The following MRTFB variants were observed in gnomAD, a reference collection of about 807,000 sequenced individuals.
MRTFB encodes the protein myocardin-related transcription factor B.
In MRTFB, 29 loss-of-function variants were observed where a neutral mutation model predicts 104.2. The ratio of observed to expected loss-of-function variants is 0.28; its 90% confidence interval spans 0.21 to 0.38. The LOEUF is 0.38. Ranked by LOEUF, MRTFB falls within the 10% of genes least tolerant of loss-of-function variation. The pLI is 1.00. For synonymous variants in MRTFB, 535 were observed against 519.5 expected, an observed-to-expected ratio of 1.03 and a Z score of -0.41; for missense variants, 1,270 against 1,341.6, an observed-to-expected ratio of 0.95 and a Z score of 0.83.
chr16:14,057,697 T>A, the MRTFB span, among the ~76,000 whole-genome samples: 67 of 152,284 alleles, frequency 4.4e-4, 1 homozygote, highest in East Asian at 0.01. Flanking sequence ...TCAGAGTTGT[T>A]CACTATGAAA....
the MRTFB span, among the ~76,000 whole-genome samples, chr16:13,999,191 C>CAAA: frequency 1.3e-5 from 1 of 78,184 alleles, no homozygotes; most frequent in Non-Finnish European, 2.6e-5. Context: ...ACTCTGTCTC[C>CAAA]AAAAAAAAAA....
chr16:14,183,893 T>G (rs1231944034), intron 3 of MRTFB, among the ~76,000 whole-genome samples: 1 of 151,666 alleles, frequency 6.6e-6, no homozygotes, highest in East Asian at 1.9e-4. Context: ...CATGCAGAGG[T>G]TTCTTAAGAG....
At chr16:14,186,811 A>ACCAGGGAC (rs528359381) in intron 3 of MRTFB, 198 of 1,572,074 alleles carry the variant, frequency 1.3e-4, no homozygotes, top group Middle Eastern at 6.6e-4. Context: ...GTGGGGAGCA[A>ACCAGGGAC]CCAGGGACCC....
rs2043949125 is a variant in MRTFB, at chr16:14,266,423, A to G, written c.*4979A>G. 6.6e-6 allele frequency: 1 copy of G among 152,184 alleles called. No individual in the cohort carries two copies. The highest frequency in any genetic ancestry group is 2.1e-4 in the South Asian group (1 of 4,822). The allele number at this position is 152,184 out of a possible 1,614,324, so 9.4% of individuals were successfully genotyped here. ...CATCTCACTTTATGAAAAAAAGGAG[A>G]AAGATACCAATCTACAGAGCCCTGC... On this transcript the variant is annotated 3_prime_UTR_variant, in exon 17 of 17. Transcript: ENST00000571589.
At chr16:14,150,418 C>T (rs1201414568) in intron 3 of MRTFB, among the ~76,000 whole-genome samples, 1 of 152,208 alleles carries the variant, frequency 6.6e-6, no homozygotes, top group Non-Finnish European at 1.5e-5. Flanking sequence ...GGCTGCCTAT[C>T]TCCTGATAGC....
At chr16:14,071,036 C>CA (rs1490759582), upstream of MRTFB, among the ~76,000 whole-genome samples, 1 of 152,218 alleles carries the variant, frequency 6.6e-6, no homozygotes, top group Non-Finnish European at 1.5e-5. Flanking sequence ...CAAGCCTTTG[C>CA]AGAGGCTCAG....
intron 10 of MRTFB, among the ~76,000 whole-genome samples, chr16:14,244,035 G>C (rs371251615): frequency 6.6e-6 from 1 of 151,776 alleles, no homozygotes; most frequent in Non-Finnish European, 1.5e-5. Context: ...CCGCCACCAC[G>C]CCTGGCTAAT....
Position 14,140,602 on chromosome 16 carries a change from A to T in MRTFB, c.-5A>T, listed in dbSNP as rs746891101. ...ACACTCCCTGTTGCCAGTGGCTGGAACACAATGGATCACACAGGGGCGATA... is the reference window on the plus strand; with the variant it reads ...ACACTCCCTGTTGCCAGTGGCTGGATCACAATGGATCACACAGGGGCGATA... On this transcript the variant is annotated 5_prime_UTR_variant, in exon 3 of 17. Transcript: ENST00000571589. 4 of 1,614,164 alleles carry T rather than the reference A, an allele frequency of 2.5e-6. No individual in the cohort carries two copies. The highest frequency in any genetic ancestry group is 3.4e-6 in the Non-Finnish European group (4 of 1,180,022).
In MRTFB at chr16:14,266,447, G is replaced by A. The variant is rs2043950292; in HGVS notation, c.*5003G>A. The A allele has an allele frequency of 6.6e-6, 1 of 152,138 alleles. No individual in the cohort carries two copies. The highest frequency in any genetic ancestry group is 2.1e-4 in the South Asian group (1 of 4,818). The allele number at this position is 152,138 out of a possible 1,614,324, so 9.4% of individuals were successfully genotyped here. A position where few individuals can be genotyped will look rare whatever the true frequency, so the allele number is the denominator to read the frequency against. ...GAAAGATACCAATCTACAGAGCCCTGCTTGTTGAAGCACTAGTTTAATCAA... is the reference window on the plus strand; with the variant it reads ...GAAAGATACCAATCTACAGAGCCCTACTTGTTGAAGCACTAGTTTAATCAA... On this transcript the variant is annotated 3_prime_UTR_variant, in exon 17 of 17. Coordinates refer to ENST00000571589, the MANE Select transcript of MRTFB (RefSeq NM_001308142.2).
At chr16:14,181,586 G>A (rs1334181063) in intron 3 of MRTFB, among the ~76,000 whole-genome samples, 1 of 152,114 alleles carries the variant, frequency 6.6e-6, no homozygotes, top group Non-Finnish European at 1.5e-5. Context: ...TACCAGAAAA[G>A]TATGCCTCAA....
chr16:14,042,610 C>T, the MRTFB span, among the ~76,000 whole-genome samples: 1 of 152,154 alleles, frequency 6.6e-6, no homozygotes, highest in Non-Finnish European at 1.5e-5. Context: ...AAATCAGAGA[C>T]TTGTGTGGTT....
At chr16:14,069,521 T>C (rs530137016), upstream of MRTFB, among the ~76,000 whole-genome samples, 64 of 152,364 alleles carry the variant, frequency 4.2e-4, no homozygotes, top group African/African-American at 1.3e-3. Flanking sequence ...GGTCTCACTC[T>C]GTTGTCCAGA....
In MRTFB at chr16:14,265,495, C is replaced by G. The variant is rs1001822134; in HGVS notation, c.*4051C>G. The stretch of plus-strand genomic sequence containing the variant: ...AGTGATTTCAGTCAAAACTGGAAAA[C>G]AACTAAGATGTAGTAATTTTTTTTT... On this transcript the variant is annotated 3_prime_UTR_variant, in exon 17 of 17. Transcript: ENST00000571589. The G allele has an allele frequency of 4.6e-5, 7 of 152,194 alleles. No homozygotes were observed. Among genetic ancestry groups the G allele is most frequent in the African/African-American group, 1.7e-4 (7 of 41,444 alleles). The allele number at this position is 152,194 out of a possible 1,614,324, so 9.4% of individuals were successfully genotyped here.
chr16:14,096,906 T>TC (rs1293073279), intron 2 of MRTFB, among the ~76,000 whole-genome samples: 1 of 152,236 alleles, frequency 6.6e-6, no homozygotes, highest in East Asian at 1.9e-4. Flanking sequence ...TACATAGAAG[T>TC]AGTTTTCTTT....
chr16:14,114,814 C>T (rs4781574), intron 2 of MRTFB, among the ~76,000 whole-genome samples: 11,736 of 152,220 alleles, frequency 0.077, 866 homozygotes, highest in African/African-American at 0.19. Flanking sequence ...AATATTGTTA[C>T]ACCTTACTGT....
At chr16:14,119,936 G>C (rs2036755748) in intron 2 of MRTFB, among the ~76,000 whole-genome samples, 3 of 152,156 alleles carry the variant, frequency 2.0e-5, no homozygotes, top group Non-Finnish European at 4.4e-5. Context: ...CAGCTTTGAG[G>C]TTTCAGCTCC....
chr16:14,118,141 TC>T (rs1284891167), intron 2 of MRTFB, among the ~76,000 whole-genome samples: 3 of 146,796 alleles, frequency 2.0e-5, no homozygotes, highest in African/African-American at 7.9e-5. Flanking sequence ...TTTTTCTTTT[TC>T]TTTTTTTTTT....
chr16:14,169,237 T>C (rs1246860537), intron 3 of MRTFB, among the ~76,000 whole-genome samples: 2 of 152,168 alleles, frequency 1.3e-5, no homozygotes, highest in Admixed American at 1.3e-4. Context: ...CTTCAGCAAA[T>C]GTATCAACTT....
rs146167580 is a variant in MRTFB at position 14,220,761 on chromosome 16, A to G, written c.693+1763A>G. On this transcript the variant is annotated intron_variant, in intron 8 of 16. Coordinates refer to ENST00000571589, the MANE Select transcript of MRTFB (RefSeq NM_001308142.2). ...GTTCTGCCTGTTACATGCAGACCAC[A>G]TTAACAGTCAGCTTTTTATCTGTCA... Among the ~76,000 whole-genome samples the G allele has an allele frequency of 5.3e-3, 813 of 152,330 alleles. 6 individuals carry two copies. The highest frequency in any genetic ancestry group is 9.5e-3 in the Non-Finnish European group (646 of 68,020).
Sources: gnomAD v4.1 joint callset for allele counts (sites outside exome capture counted in the v4.1 genomes callset) on GRCh38, gnomAD v4.1.1 for gene constraint, MANE v1.5 for transcripts, NCBI Gene and HGNC (gene_info 2026-07-23, HGNC 2026-07-21) for gene names.